SDK1: variants seen among roughly 807,000 people sequenced by gnomAD.
SDK1 encodes the protein protein sidekick-1.
SDK1 carries 157 observed loss-of-function variants against 245.5 expected under a neutral mutation model. The observed-to-expected ratio is 0.64, with a 90% CI of 0.56 to 0.73. The LOEUF (loss-of-function observed/expected upper bound fraction) is 0.73. Ranked by LOEUF, SDK1 falls within the 30% of genes least tolerant of loss-of-function variation. SDK1 has a pLI of 0.00. For missense variants in SDK1, 3,583 were observed against 3,002.3 expected, an observed-to-expected ratio of 1.19 and a Z score of -4.52; for synonymous variants, 1,647 against 1,278.5, an observed-to-expected ratio of 1.29 and a Z score of -6.15.
chr7:3,419,353 T>G (rs1000922600), intron 1 of SDK1, among the ~76,000 whole-genome samples: 1 of 152,184 alleles, frequency 6.6e-6, no homozygotes, highest in Non-Finnish European at 1.5e-5. Flanking sequence ...AAGTCAGTAA[T>G]TAGGATCCAC....
chr7:4,148,436 G>A (rs1001955257), intron 29 of SDK1, among the ~76,000 whole-genome samples: 1 of 152,212 alleles, frequency 6.6e-6, no homozygotes, highest in East Asian at 1.9e-4. Flanking sequence ...CAGGCACCCC[G>A]CGTCCCGCAT....
intron 1 of SDK1, among the ~76,000 whole-genome samples, chr7:3,597,740 A>T (rs1781112043): frequency 1.3e-5 from 2 of 152,170 alleles, no homozygotes; most frequent in African/African-American, 4.8e-5. Context: ...ATTTTGTTGG[A>T]CAATACAGTA....
chr7:4,076,905 A>G, intron 20 of SDK1, 93 bp from the exon 21 acceptor site: 2 of 1,144,868 alleles, frequency 1.7e-6, no homozygotes, highest in Non-Finnish European at 1.3e-6. Context: ...CAAGCTCTCC[A>G]TAGCTCCAAG....
chr7:4,184,275 A>AAGACTTTGCTG, intron 35 of SDK1, among the ~76,000 whole-genome samples: 1 of 152,344 alleles, frequency 6.6e-6, no homozygotes, highest in East Asian at 1.9e-4. Context: ...CTGTGGTCCC[A>AAGACTTTGCTG]TAGGTAAGCG....
intron 44 of SDK1, among the ~76,000 whole-genome samples, chr7:4,254,393 T>A (rs944486031): frequency 3.3e-5 from 5 of 152,226 alleles, no homozygotes; most frequent in African/African-American, 7.2e-5. Context: ...AGCTCAAGTC[T>A]ACTATTGAGC....
In SDK1 at chr7:4,221,372, G is replaced by T; in HGVS notation, c.5827+8G>T. On this transcript the variant is annotated splice_region_variant and intron_variant, in intron 40 of 44. Coordinates refer to ENST00000404826, the MANE Select transcript of SDK1 (RefSeq NM_152744.4). The stretch of plus-strand genomic sequence containing the variant: ...TCGAGGCCCGGCCCTCAGGTAGGGT[G>T]GCAGGCCCCACAAACGGGGTCTCAG... 1 of 1,600,818 alleles carries T rather than the reference G, an allele frequency of 6.2e-7. No homozygotes were observed.
chr7:3,889,371 G>A (rs548491243), intron 5 of SDK1, among the ~76,000 whole-genome samples: 3 of 152,238 alleles, frequency 2.0e-5, no homozygotes, highest in Non-Finnish European at 4.4e-5. Context: ...TCCCAGGACA[G>A]TGAATGAAGT....
At chr7:3,915,477 G>GT (rs947311139) in intron 5 of SDK1, among the ~76,000 whole-genome samples, 3 of 152,144 alleles carry the variant, frequency 2.0e-5, no homozygotes, top group African/African-American at 7.2e-5. Flanking sequence ...AGATCGGATG[G>GT]TTTTCTGAGG....
chr7:4,083,671 C>A lies in SDK1; in HGVS notation c.3324+4087C>A, dbSNP rs368311939. On this transcript the variant is annotated intron_variant, in intron 22 of 44. Transcript: ENST00000404826. ...TTCCTCCACCCCTCCCTTCTTTCCT[C>A]CCTCTCTCCCTTCACTTCTTCCCTC... Among the ~76,000 whole-genome samples, 3 of 5,110 alleles carry A rather than the reference C, an allele frequency of 5.9e-4. No homozygotes were observed. In the Admixed American group the frequency reaches 6.6e-3, roughly 11 times the overall value. The allele number at this position is 5,110 out of a possible 152,430, so 3.4% of individuals were successfully genotyped here.
chr7:3,968,420 C>G (rs990180536), intron 10 of SDK1, among the ~76,000 whole-genome samples: 42 of 152,306 alleles, frequency 2.8e-4, no homozygotes, highest in African/African-American at 9.6e-4. Context: ...AAAGCCTTAT[C>G]TTTCTCTTCC....
intron 1 of SDK1, among the ~76,000 whole-genome samples, chr7:3,617,183 A>T (rs1781798119): frequency 6.6e-6 from 1 of 152,198 alleles, no homozygotes; most frequent in Admixed American, 6.5e-5. Context: ...AGCACAAAGT[A>T]AATAATAAAT....
chr7:3,743,167 A>G (rs1779524054), intron 4 of SDK1, among the ~76,000 whole-genome samples: 1 of 152,190 alleles, frequency 6.6e-6, no homozygotes, highest in Non-Finnish European at 1.5e-5. Context: ...TGATGGGAAA[A>G]GTCTCAATAT....
intron 5 of SDK1, among the ~76,000 whole-genome samples, chr7:3,941,656 G>T (rs1780371966): frequency 6.6e-6 from 1 of 152,056 alleles, no homozygotes; most frequent in African/African-American, 2.4e-5. Flanking sequence ...ACACTCCACG[G>T]CCTGCCATCT....
At chr7:3,682,719 A>G (rs993146807) in intron 4 of SDK1, among the ~76,000 whole-genome samples, 5 of 41,610 alleles carry the variant, frequency 1.2e-4, no homozygotes, top group Non-Finnish European at 2.7e-4. Flanking sequence ...GTTTGGATTT[A>G]CAGTTTTTTT....
At chr7:3,932,973 C>T (rs1780031013) in intron 5 of SDK1, among the ~76,000 whole-genome samples, 1 of 150,674 alleles carries the variant, frequency 6.6e-6, no homozygotes, top group South Asian at 2.1e-4. Context: ...CAGTGAATCC[C>T]CAAAGAGGCT....
chr7:4,141,510 T>G (rs917601711), intron 28 of SDK1, among the ~76,000 whole-genome samples: 4 of 152,174 alleles, frequency 2.6e-5, no homozygotes, highest in Non-Finnish European at 4.4e-5. Context: ...AAATAATACC[T>G]CATTAATTCA....
At chr7:4,167,547 C>T (rs1781572256) in intron 32 of SDK1, among the ~76,000 whole-genome samples, 1 of 152,352 alleles carries the variant, frequency 6.6e-6, no homozygotes, top group African/African-American at 2.4e-5. Flanking sequence ...TCAAGCTTCT[C>T]TCCACACAGA....
intron 1 of SDK1, among the ~76,000 whole-genome samples, chr7:3,593,675 C>T (rs1000874774): frequency 5.3e-5 from 8 of 152,128 alleles, no homozygotes; most frequent in Admixed American, 3.9e-4. Flanking sequence ...ATGGATGATT[C>T]CCCTCCAATC....
At chr7:3,443,208 TGTG>T (rs1251531133) in intron 1 of SDK1, among the ~76,000 whole-genome samples, 1 of 152,130 alleles carries the variant, frequency 6.6e-6, no homozygotes, top group African/African-American at 2.4e-5. Context: ...AACTTAACCT[TGTG>T]GTAGATAGCA....
Sources: allele counts gnomAD v4.1 joint callset (sites outside exome capture counted in the v4.1 genomes callset), GRCh38; gene constraint gnomAD v4.1.1; transcripts MANE v1.5; gene names NCBI Gene and HGNC (gene_info 2026-07-23, HGNC 2026-07-21).